Variants in ST6GAL2 observed in about 807,000 individuals in gnomAD.
ST6GAL2 encodes the protein beta-galactoside alpha-2,6-sialyltransferase 2.
A neutral mutation model predicts 37.5 loss-of-function variants in ST6GAL2; 24 were observed. The observed-to-expected ratio is 0.64, with a 90% confidence interval of 0.46 to 0.90. The LOEUF is 0.90. Among genes scored for constraint, ST6GAL2 ranks in the 40% least tolerant of loss-of-function variants. ST6GAL2 has a pLI of 0.00. For missense variants in ST6GAL2, 715 were observed against 712.7 expected (o/e 1.00, Z -0.04); for synonymous variants, 306 against 295.1 (o/e 1.04, Z -0.38).
At chr2:106,837,766 C>T (rs1230286804) in intron 2 of ST6GAL2, among the ~76,000 whole-genome samples, 1 of 152,310 alleles carries the variant, frequency 6.6e-6, no homozygotes, top group East Asian at 1.9e-4. Flanking sequence ...ATTGCATCAC[C>T]CTTGAAAACA....
intron 2 of ST6GAL2, 104 bp downstream of exon 2, chr2:106,842,931 C>A (rs776055391): frequency 8.6e-6 from 7 of 814,092 alleles, no homozygotes; most frequent in East Asian, 3.5e-5. Context: ...TGCGGAGACC[C>A]CAGCTTGCCC....
chr2:106,880,162 T>C (rs1325958566), intron 1 of ST6GAL2, among the ~76,000 whole-genome samples: 1 of 152,138 alleles, frequency 6.6e-6, no homozygotes, highest in Non-Finnish European at 1.5e-5. Flanking sequence ...CCTTAGAAAT[T>C]AGAGCATATA....
intron 1 of ST6GAL2, among the ~76,000 whole-genome samples, chr2:106,875,612 A>G (rs530276523): frequency 6.6e-6 from 1 of 152,328 alleles, no homozygotes; most frequent in Admixed American, 6.5e-5. Context: ...TTGGGTTTTT[A>G]TATTTACATT....
In ST6GAL2 at chr2:106,840,243, A is replaced by C. The variant is rs866522575; in HGVS notation, c.943+2792T>G. ...CTTCATTTAGCCAATTCACAAGTAG[A>C]TGCTTAGCGGCCAACAAGAATTTCG... On this transcript the variant is annotated intron_variant, in intron 2 of 5. Coordinates refer to ENST00000409382, the MANE Select transcript of ST6GAL2 (RefSeq NM_001142351.2). Among the ~76,000 whole-genome samples, 4 of 152,318 alleles carry C rather than the reference A, an allele frequency of 2.6e-5. No individual in the cohort carries two copies. The South Asian group carries it at 6.2e-4, about 24-fold the overall frequency.
intron 1 of ST6GAL2, among the ~76,000 whole-genome samples, chr2:106,852,045 CTCTTT>C (rs747757658): frequency 6.6e-6 from 1 of 152,200 alleles, no homozygotes; most frequent in Non-Finnish European, 1.5e-5. Context: ...ATGGGCCCTT[CTCTTT>C]TCTTTGCTTT....
At position 106,845,434 on chromosome 2, in the gene ST6GAL2, G is replaced by A. The variant is rs537477087; in HGVS notation, c.-57-1400C>T. Among the ~76,000 whole-genome samples, 47 of 151,954 alleles carry A rather than the reference G, an allele frequency of 3.1e-4. No homozygotes were observed. In the South Asian group the frequency reaches 7.7e-3, roughly 25 times the overall value. On this transcript the variant is annotated intron_variant, in intron 1 of 5. Transcript: ENST00000409382. ...AGGCAACACAGACTGCAAGGAAGTCGTTAGTAGAAATCAGATACTCAGAAA... is the reference window on the plus strand; with the variant it reads ...AGGCAACACAGACTGCAAGGAAGTCATTAGTAGAAATCAGATACTCAGAAA...
chr2:106,830,269 G>A (rs1676368665), intron 4 of ST6GAL2, 29 bp from the exon 5 acceptor site: 1 of 1,590,544 alleles, frequency 6.3e-7, no homozygotes. Flanking sequence ...ATGCAGTCAA[G>A]TAGAAAGAAC....
At chr2:106,827,294 A>G (rs1473823868) in intron 5 of ST6GAL2, among the ~76,000 whole-genome samples, 6 of 152,218 alleles carry the variant, frequency 3.9e-5, no homozygotes, top group African/African-American at 1.4e-4. Context: ...TGGATAAGTT[A>G]TAAAACAGAT....
intron 1 of ST6GAL2, among the ~76,000 whole-genome samples, chr2:106,867,866 G>A (rs368750900): frequency 6.6e-6 from 1 of 152,074 alleles, no homozygotes; most frequent in African/African-American, 2.4e-5. Flanking sequence ...TTCTATCCAG[G>A]ACTTTCTTTC....
chr2:106,809,013 A>C (rs2104412446), intron 5 of ST6GAL2, among the ~76,000 whole-genome samples: 1 of 152,304 alleles, frequency 6.6e-6, no homozygotes, highest in African/African-American at 2.4e-5. Context: ...TCTCAAAACA[A>C]AACAAAACAA....
intron 5 of ST6GAL2, among the ~76,000 whole-genome samples, chr2:106,807,631 C>A (rs13009516): frequency 7.2e-6 from 1 of 139,050 alleles, no homozygotes; most frequent in Non-Finnish European, 1.5e-5. Context: ...ACATTTTATT[C>A]TTTTTTTTTT....
Position 106,851,302 on chromosome 2 carries a change from C to T in ST6GAL2, c.-57-7268G>A, listed in dbSNP as rs200391730. 5.3e-5 allele frequency among the ~76,000 whole-genome samples: 8 copies of T among 152,298 alleles called. No homozygotes were observed. The East Asian group carries it at 1.5e-3, about 29-fold the overall frequency. ...GCTGGAAATCACGGTGATTGTTCCA[C>T]TTGCTTAGGAAGGTCAGTGCCCACA... On this transcript the variant is annotated intron_variant, in intron 1 of 5. Transcript: ENST00000409382.
chr2:106,831,399 A>G (rs542073733), intron 4 of ST6GAL2, among the ~76,000 whole-genome samples: 1 of 152,336 alleles, frequency 6.6e-6, no homozygotes, highest in Admixed American at 6.5e-5. Flanking sequence ...ATAAGGTCCA[A>G]TAGCTAGAAA....
intron 1 of ST6GAL2, among the ~76,000 whole-genome samples, chr2:106,847,799 T>G (rs1306582782): frequency 1.3e-5 from 2 of 152,100 alleles, no homozygotes; most frequent in East Asian, 3.9e-4. Flanking sequence ...GGGGATGCAG[T>G]TCCACCCTCT....
intron 1 of ST6GAL2, among the ~76,000 whole-genome samples, chr2:106,873,789 C>T (rs949025347): frequency 2.6e-5 from 4 of 152,206 alleles, no homozygotes; most frequent in African/African-American, 9.6e-5. Context: ...AAATGTGTTT[C>T]TCCAAAGTGA....
chr2:106,813,340 AT>A, intron 5 of ST6GAL2: 1 of 643,644 alleles, frequency 1.6e-6, no homozygotes, highest in Non-Finnish European at 2.2e-6. Context: ...ACGCAAGATA[AT>A]TATCAAACCA....
chr2:106,812,834 G>A (rs1675660090), intron 5 of ST6GAL2, among the ~76,000 whole-genome samples: 2 of 152,092 alleles, frequency 1.3e-5, no homozygotes, highest in African/African-American at 2.4e-5. Context: ...AATGCAAGAA[G>A]AATACAAATC....
At chr2:106,845,033 ATAAC>A (rs1677088080) in intron 1 of ST6GAL2, among the ~76,000 whole-genome samples, 1 of 152,214 alleles carries the variant, frequency 6.6e-6, no homozygotes, top group Non-Finnish European at 1.5e-5. Flanking sequence ...TTGTGGAATA[ATAAC>A]TAAGCTTGCT....
intron 5 of ST6GAL2, among the ~76,000 whole-genome samples, chr2:106,811,885 C>A (rs945975501): frequency 6.6e-6 from 1 of 152,106 alleles, no homozygotes. Context: ...AAAATCACCA[C>A]AAGGAAGAAG....
Sources: gnomAD v4.1 joint callset for allele counts (sites outside exome capture counted in the v4.1 genomes callset) on GRCh38, gnomAD v4.1.1 for gene constraint, MANE v1.5 for transcripts, NCBI Gene and HGNC (gene_info 2026-07-23, HGNC 2026-07-21) for gene names.